MROH7: variants seen among roughly 807,000 people sequenced by gnomAD.
The protein encoded by MROH7 is maestro heat-like repeat-containing protein family member 7.
A neutral mutation model predicts 129.2 loss-of-function variants in MROH7; 113 were observed. The observed-to-expected ratio is 0.87, with a 90% CI of 0.75 to 1.02. The LOEUF is 1.02. Ranked by LOEUF, MROH7 falls within the 50% of genes least tolerant of loss-of-function variation. The pLI, the probability that MROH7 is intolerant of heterozygous loss-of-function variation, is 0.00. For missense variants in MROH7, 1,601 were observed against 1,671.3 expected (o/e 0.96, Z 0.73); for synonymous variants, 655 against 667.9 (o/e 0.98, Z 0.30).
intron 5 of MROH7, 39 bp from the exon 6 acceptor site, chr1:54,670,458 G>A (rs1644879424): frequency 6.3e-7 from 1 of 1,593,380 alleles, no homozygotes; most frequent in African/African-American, 1.3e-5. Context: ...GCCTGCAGTA[G>A]CCCTGTCCTC....
intron 16 of MROH7, among the ~76,000 whole-genome samples, chr1:54,694,129 G>A (rs996382172): frequency 6.6e-6 from 1 of 152,166 alleles, no homozygotes; most frequent in Admixed American, 6.5e-5. Flanking sequence ...TGATCTGCCC[G>A]CCTTGGCCTC....
intron 1 of MROH7, among the ~76,000 whole-genome samples, chr1:54,644,021 G>A (rs1644425591): frequency 6.6e-6 from 1 of 152,014 alleles, no homozygotes; most frequent in Admixed American, 6.6e-5. Context: ...TAATCATGAT[G>A]TGTTTTGGCA....
intron 7 of MROH7, among the ~76,000 whole-genome samples, chr1:54,671,837 A>T (rs956236555): frequency 3.9e-5 from 6 of 152,254 alleles, no homozygotes; most frequent in African/African-American, 1.4e-4. Flanking sequence ...GTATCAAATA[A>T]ATAAATACGA....
intron 10 of MROH7, among the ~76,000 whole-genome samples, chr1:54,677,942 A>C (rs542482787): frequency 6.6e-6 from 1 of 152,364 alleles, no homozygotes; most frequent in South Asian, 2.1e-4. Flanking sequence ...ATGATGACAA[A>C]AACTAAAGAA....
chr1:54,701,980 C>T lies in MROH7; in HGVS notation c.3286-110C>T, dbSNP rs564598938. ...TAGTGGGGGTCTGGCTGGGAAGAGT[C>T]GGGAGAGTTCCAGACCTAGGCTTGA... On this transcript the variant is annotated intron_variant, in intron 19 of 23. Transcript: ENST00000421030. 192 of 976,986 alleles carry T rather than the reference C, an allele frequency of 2.0e-4. 2 individuals carry two copies. The South Asian group carries it at 3.8e-3, about 19-fold the overall frequency. The allele number at this position is 976,986 out of a possible 1,614,324, so 60.5% of individuals were successfully genotyped here. A position where few individuals can be genotyped will look rare whatever the true frequency, so the allele number is the denominator to read the frequency against.
intron 4 of MROH7, 84 bp from the exon 5 acceptor site, chr1:54,668,770 G>A (rs994022078): frequency 1.8e-5 from 18 of 996,336 alleles, no homozygotes; most frequent in Non-Finnish European, 2.7e-5. Context: ...GTGTCGGGTG[G>A]TTAACAGTGC....
Position 54,702,741 on chromosome 1 carries a change from G to A in MROH7, c.3560G>A (p.Cys1187Tyr), listed in dbSNP as rs567221122. 1.9e-6 allele frequency: 3 copies of A among 1,612,280 alleles called. No homozygotes were observed. The highest frequency in any genetic ancestry group is 2.2e-5 in the East Asian group (1 of 44,854). ...QQQTVAKICKCLVNTHRDSAF... is the reference protein window; with the variant it reads ...QQQTVAKICKYLVNTHRDSAF... ...CAGACAGTGGCCAAAATTTGCAAGT[G>A]CCTTGTGAGTGCTCCCAGAGAGTAG... The change falls in exon 21 of 24, where the codon TGC (cysteine) becomes TAC (tyrosine). Residue 1187 changes from cysteine to tyrosine, a missense_variant. Physicochemically the swap from Cys to Tyr is radical, Grantham distance 194 (BLOSUM62 -2). Coordinates refer to ENST00000421030, the MANE Select transcript of MROH7 (RefSeq NM_001039464.4).
intron 10 of MROH7, among the ~76,000 whole-genome samples, chr1:54,678,486 A>G (rs555023289): frequency 6.6e-6 from 1 of 152,310 alleles, no homozygotes; most frequent in Non-Finnish European, 1.5e-5. Flanking sequence ...AAGCAAAGAC[A>G]TCTCTCTAAG....
At position 54,682,711 on chromosome 1, in the gene MROH7, C is replaced by G; in HGVS notation, c.2437C>G (p.Arg813Gly). The G allele has an allele frequency of 1.2e-6, 2 of 1,614,106 alleles. No homozygotes were observed. Among genetic ancestry groups the G allele is most frequent in the Non-Finnish European group, 1.7e-6 (2 of 1,179,980 alleles). Residue 813 changes from arginine (R) to glycine (G), a missense_variant, in exon 14 of 24, where the codon CGA becomes GGA. Physicochemically the swap from Arg to Gly is moderately radical, Grantham distance 125. Transcript: ENST00000421030. ...LILCKPSCDV[R>G]DLLDLLLGSL... Reference sequence around the variant, plus strand: ...ACTGTGTAAGCCCAGCTGTGATGTCCGAGACCTCCTGGATCTGCTCCTGGG... The same window carrying G: ...ACTGTGTAAGCCCAGCTGTGATGTCGGAGACCTCCTGGATCTGCTCCTGGG...
At chr1:54,645,785 T>C (rs1041406392) in intron 1 of MROH7, among the ~76,000 whole-genome samples, 2 of 150,872 alleles carry the variant, frequency 1.3e-5, no homozygotes, top group African/African-American at 4.9e-5. Context: ...CCGAGTAAGG[T>C]AGGACTACAG....
At chr1:54,665,586 G>C (rs1175205881) in intron 4 of MROH7, 2 of 182,156 alleles carry the variant, frequency 1.1e-5, no homozygotes, top group African/African-American at 2.4e-5. Flanking sequence ...GGGGCAGAAA[G>C]TCTAGAAGTG....
At chr1:54,702,316 A>T in intron 20 of MROH7, 71 bp downstream of exon 20, 1 of 1,296,258 alleles carries the variant, frequency 7.7e-7, no homozygotes, top group African/African-American at 1.5e-5. Flanking sequence ...TTTTACGTTA[A>T]CCAAGCCAGA....
At chr1:54,700,820 C>T (rs1645423141) in intron 18 of MROH7, among the ~76,000 whole-genome samples, 1 of 152,186 alleles carries the variant, frequency 6.6e-6, no homozygotes, top group African/African-American at 2.4e-5. Context: ...TGTTGCAGCT[C>T]ATGATGTAGC....
At chr1:54,674,547 C>T (rs556269454) in intron 10 of MROH7, among the ~76,000 whole-genome samples, 1 of 152,214 alleles carries the variant, frequency 6.6e-6, no homozygotes, top group South Asian at 2.1e-4. Context: ...CCCCTGTATT[C>T]CCAAGGGCCA....
chr1:54,666,604 G>A (rs897395079), intron 4 of MROH7, among the ~76,000 whole-genome samples: 1 of 62,938 alleles, frequency 1.6e-5, no homozygotes, highest in Non-Finnish European at 2.7e-5. Flanking sequence ...CCGGCCCTGG[G>A]CTATTTTTTT....
intron 10 of MROH7, among the ~76,000 whole-genome samples, chr1:54,675,309 A>G (rs1173593377): frequency 6.6e-6 from 1 of 152,180 alleles, no homozygotes; most frequent in Non-Finnish European, 1.5e-5. Flanking sequence ...TAAGTGAGAT[A>G]TTTTGTAAGA....
At chr1:54,674,272 A>G in intron 10 of MROH7, 121 bp downstream of exon 10, 1 of 1,138,802 alleles carries the variant, frequency 8.8e-7, no homozygotes, top group Non-Finnish European at 1.2e-6. Flanking sequence ...GGAAACCAGC[A>G]CAGGGCCAGA....
chr1:54,702,590 C>A, intron 20 of MROH7, 33 bp from the exon 21 acceptor site: 1 of 1,529,584 alleles, frequency 6.5e-7, no homozygotes, highest in Admixed American at 2.0e-5. Context: ...TGGCTGTCCA[C>A]AGTTCTGATA....
At chr1:54,679,807 C>G (rs551994621) in intron 12 of MROH7, 84 bp from the exon 13 acceptor site, 7 of 1,360,592 alleles carry the variant, frequency 5.1e-6, no homozygotes, top group Non-Finnish European at 6.1e-6. Context: ...CCTGTCACCC[C>G]CTTCCCTCTC....
Sources: allele counts gnomAD v4.1 joint callset (sites outside exome capture counted in the v4.1 genomes callset), GRCh38; gene constraint gnomAD v4.1.1; transcripts MANE v1.5; gene names NCBI Gene and HGNC (gene_info 2026-07-23, HGNC 2026-07-21).